The following PCDHA7 variants were observed in gnomAD, a reference collection of about 807,000 sequenced individuals.
The protein encoded by PCDHA7 is protocadherin alpha-7.
Under a neutral mutation model 57.2 loss-of-function variants are expected in PCDHA7, and 37 were observed. The observed-to-expected ratio is 0.65, with a 90% CI of 0.50 to 0.85. The LOEUF (loss-of-function observed/expected upper bound fraction) is 0.85, where lower values mean the gene tolerates loss of function less well. Among genes scored for constraint, PCDHA7 ranks in the 40% least tolerant of loss-of-function variants. The pLI is 0.00. For missense variants in PCDHA7, 1,188 were observed against 1,241.8 expected (o/e 0.96, Z 0.65); for synonymous variants, 553 against 558.8 (o/e 0.99, Z 0.15).
At chr5:140,870,944 C>G in intron 1 of PCDHA7, 1 of 1,613,658 alleles carries the variant, frequency 6.2e-7, no homozygotes, top group Middle Eastern at 1.7e-4. Context: ...CAGCCGGCGG[C>G]GGGCGGCTCG....
In PCDHA7 at chr5:140,884,521, G is replaced by A. The variant is rs569278761; in HGVS notation, c.2355+47783G>A. On this transcript the variant is annotated intron_variant, in intron 1 of 3. Transcript: ENST00000525929. ...GCGCGGCAGGGAGTTGGTCGTACTCGCAGCAGAGGCGGCCGAGGGTGTGCT... is the reference window on the plus strand; with the variant it reads ...GCGCGGCAGGGAGTTGGTCGTACTCACAGCAGAGGCGGCCGAGGGTGTGCT... 8.1e-6 allele frequency: 13 copies of A among 1,614,196 alleles called. No homozygotes were observed. In the East Asian group the frequency reaches 2.0e-4, roughly 25 times the overall value.
intron 1 of PCDHA7, chr5:140,856,575 A>G (rs2150361259): frequency 6.3e-7 from 1 of 1,597,272 alleles, no homozygotes; most frequent in African/African-American, 1.3e-5. Flanking sequence ...CCAAATGAGT[A>G]TTTTGTTCTT....
intron 1 of PCDHA7, among the ~76,000 whole-genome samples, chr5:140,880,402 G>A (rs1014801012): frequency 3.9e-5 from 6 of 152,182 alleles, no homozygotes; most frequent in Non-Finnish European, 8.8e-5. Context: ...AGAGCATATG[G>A]TTGACCTTAA....
intron 1 of PCDHA7, chr5:140,869,485 G>A: frequency 6.2e-7 from 1 of 1,614,158 alleles, no homozygotes; most frequent in Non-Finnish European, 8.5e-7. Context: ...GGACATTAAC[G>A]ACAACCCGCC....
chr5:140,993,539 T>C (rs1433781690), intron 3 of PCDHA7, among the ~76,000 whole-genome samples: 7 of 128,018 alleles, frequency 5.5e-5, no homozygotes, highest in Non-Finnish European at 1.0e-4. Flanking sequence ...GAGAGAGAGA[T>C]AGAGAAGTGA....
At position 140,927,570 on chromosome 5, in the gene PCDHA7, A is replaced by G. The variant is rs568227710; in HGVS notation, c.2356-51379A>G. 5.0e-5 allele frequency: 80 copies of G among 1,614,066 alleles called. 1 individual carries two copies. Among genetic ancestry groups the G allele is most frequent in the Middle Eastern group, 4.9e-4 (3 of 6,084 alleles). On this transcript the variant is annotated intron_variant, in intron 1 of 3. Transcript: ENST00000525929. ...AAGTCACCATCATTGTGGTGGACAC[A>G]AATGACAACGCGCCTGTATTTGAGC...
chr5:140,861,197 T>C (rs1203877900), intron 1 of PCDHA7: 1 of 162,270 alleles, frequency 6.2e-6, no homozygotes, highest in Non-Finnish European at 1.3e-5. Context: ...CATGAAATAT[T>C]GTTTTACTAA....
chr5:140,841,711 G>T (rs1385576183), intron 1 of PCDHA7: 3 of 1,613,772 alleles, frequency 1.9e-6, no homozygotes, highest in South Asian at 1.1e-5. Context: ...ATGACAACCC[G>T]CCAGTGTTCC....
intron 1 of PCDHA7, chr5:140,882,397 C>T (rs1554173926): frequency 6.2e-7 from 1 of 1,614,190 alleles, no homozygotes; most frequent in South Asian, 1.1e-5. Flanking sequence ...AACACGGCAC[C>T]TTCGTGGGCC....
At chr5:140,921,811 T>C (rs1484171257) in intron 1 of PCDHA7, among the ~76,000 whole-genome samples, 1 of 152,096 alleles carries the variant, frequency 6.6e-6, no homozygotes, top group Non-Finnish European at 1.5e-5. Context: ...ATAAGATACA[T>C]GTGTGAATAT....
chr5:140,945,246 G>A (rs1257337219), intron 1 of PCDHA7, among the ~76,000 whole-genome samples: 1 of 151,864 alleles, frequency 6.6e-6, no homozygotes, highest in African/African-American at 2.4e-5. Context: ...TTAACCAAGA[G>A]GATGAAAGAC....
In PCDHA7 at chr5:140,883,616, G is replaced by GACAAC; in HGVS notation, c.2355+46879_2355+46883dup. On this transcript the variant is annotated intron_variant, in intron 1 of 3. Coordinates refer to ENST00000525929, the MANE Select transcript of PCDHA7 (RefSeq NM_018910.3). ...GTCGGTGGGGGTGGCCGACGTGAAC[G>GACAAC]ACAACGCGCCGGCGTTCGCGCAGCC... The GACAAC allele has an allele frequency of 3.1e-6, 5 of 1,614,014 alleles. No homozygotes were observed. The South Asian group carries it at 5.5e-5, about 18-fold the overall frequency.
intron 1 of PCDHA7, chr5:140,857,554 G>A (rs782355772): frequency 1.3e-6 from 2 of 1,596,880 alleles, no homozygotes; most frequent in East Asian, 4.5e-5. Flanking sequence ...GCGAGCGCTC[G>A]CTGTCGAGCT....
intron 1 of PCDHA7, among the ~76,000 whole-genome samples, chr5:140,937,575 T>C (rs111558133): frequency 1.8e-3 from 268 of 149,140 alleles, no homozygotes; most frequent in African/African-American, 6.4e-3. Context: ...TGGGATCGCG[T>C]CACTGCACTC....
chr5:140,841,277 C>T lies in PCDHA7; in HGVS notation c.2355+4539C>T. Reference sequence around the variant, plus strand: ...AGACTCTGAAAGTACAGTCGTTCATCTTTATATTAAGATAATATTTTCTGA... The same window carrying T: ...AGACTCTGAAAGTACAGTCGTTCATTTTTATATTAAGATAATATTTTCTGA... On this transcript the variant is annotated intron_variant, in intron 1 of 3. Coordinates refer to ENST00000525929, the MANE Select transcript of PCDHA7 (RefSeq NM_018910.3). 9 of 1,516,428 alleles carry T rather than the reference C, an allele frequency of 5.9e-6. 1 individual carries two copies. Among genetic ancestry groups the T allele is most frequent in the Non-Finnish European group, 8.0e-6 (9 of 1,128,112 alleles). The allele number at this position is 1,516,428 out of a possible 1,614,324, so 93.9% of individuals were successfully genotyped here. A position where few individuals can be genotyped will look rare whatever the true frequency, so the allele number is the denominator to read the frequency against.
At chr5:140,877,838 A>G (rs1395855806) in intron 1 of PCDHA7, 16 of 1,583,236 alleles carry the variant, frequency 1.0e-5, no homozygotes, top group Non-Finnish European at 1.4e-5. Flanking sequence ...CCTCCCAGTG[A>G]AGTAAGTTAT....
chr5:140,875,125 A>T (rs1158150211), intron 1 of PCDHA7, among the ~76,000 whole-genome samples: 2 of 152,240 alleles, frequency 1.3e-5, no homozygotes, highest in Non-Finnish European at 2.9e-5. Flanking sequence ...TATATTAACT[A>T]AACCCGCATT....
intron 1 of PCDHA7, chr5:140,848,890 T>A (rs1554142528): frequency 3.1e-6 from 5 of 1,595,934 alleles, no homozygotes; most frequent in Non-Finnish European, 4.3e-6. Context: ...AACCCTCCAG[T>A]GTTCCCAGCG....
intron 1 of PCDHA7, among the ~76,000 whole-genome samples, chr5:140,931,298 AAG>A (rs2087432571): frequency 6.6e-6 from 1 of 152,144 alleles, no homozygotes; most frequent in African/African-American, 2.4e-5. Context: ...CTGTAACAAA[AAG>A]AGAGGAGAAT....
Sources: gnomAD v4.1 joint callset for allele counts (sites outside exome capture counted in the v4.1 genomes callset) on GRCh38, gnomAD v4.1.1 for gene constraint, MANE v1.5 for transcripts, NCBI Gene and HGNC (gene_info 2026-07-23, HGNC 2026-07-21) for gene names.